VAV2: variants seen among roughly 807,000 people sequenced by gnomAD.
VAV2 encodes vav guanine nucleotide exchange factor 2, also known as guanine nucleotide exchange factor VAV2.
In VAV2, 67 loss-of-function variants were observed where a neutral mutation model predicts 132.5. The observed-to-expected ratio is 0.51, with a 90% CI of 0.42 to 0.62. VAV2 has a LOEUF of 0.62. Among genes scored for constraint, VAV2 ranks in the 20% least tolerant of loss-of-function variants. VAV2 has a pLI of 0.00. For missense variants in VAV2, 938 were observed against 1,153.6 expected (o/e 0.81, Z 2.71); for synonymous variants, 492 against 443.5 (o/e 1.11, Z -1.37).
intron 25 of VAV2, 148 bp downstream of exon 25, chr9:133,774,787 A>T (rs1426844099): frequency 4.1e-6 from 3 of 740,640 alleles, no homozygotes; most frequent in Admixed American, 2.3e-5. Flanking sequence ...ACCCCTCAGC[A>T]CCGCTTTCAT....
chr9:133,951,222 T>C (rs1280754377), intron 1 of VAV2, among the ~76,000 whole-genome samples: 1 of 152,192 alleles, frequency 6.6e-6, no homozygotes, highest in African/African-American at 2.4e-5. Context: ...CCTCTTCCCC[T>C]GCAGAAGGCC....
chr9:133,844,534 G>A (rs943235267), intron 3 of VAV2, among the ~76,000 whole-genome samples: 2 of 152,260 alleles, frequency 1.3e-5, no homozygotes, highest in African/African-American at 4.8e-5. Context: ...TGCACCCCCA[G>A]TCCCTGGCAC....
At chr9:133,874,614 C>T (rs924006626) in intron 2 of VAV2, among the ~76,000 whole-genome samples, 50 of 152,264 alleles carry the variant, frequency 3.3e-4, no homozygotes, top group African/African-American at 1.1e-3. Context: ...ATGGGAACAG[C>T]ACCTCAAGGG....
intron 2 of VAV2, among the ~76,000 whole-genome samples, chr9:133,917,928 G>A (rs116675580): frequency 0.1 from 4,166 of 40,536 alleles, 202 homozygotes; most frequent in African/African-American, 0.27. Context: ...CCACCCTCCC[G>A]GCTGAATCCC....
At chr9:133,819,436 G>A (rs528869582) in intron 4 of VAV2, among the ~76,000 whole-genome samples, 7 of 147,730 alleles carry the variant, frequency 4.7e-5, no homozygotes, top group South Asian at 2.2e-4. Flanking sequence ...GCGACAGAGC[G>A]AGGCTCCGTC....
intron 1 of VAV2, among the ~76,000 whole-genome samples, chr9:133,986,300 G>A (rs529318350): frequency 3.3e-5 from 5 of 152,284 alleles, no homozygotes; most frequent in African/African-American, 9.6e-5. Flanking sequence ...GCTGATGGGG[G>A]AGCATTCTGT....
At chr9:133,891,523 T>G (rs867842480) in intron 2 of VAV2, among the ~76,000 whole-genome samples, 6 of 4,920 alleles carry the variant, frequency 1.2e-3, no homozygotes, top group Non-Finnish European at 1.6e-3. Flanking sequence ...AGGGGAGGCA[T>G]GGAGGGGGAA....
In VAV2 at chr9:133,807,007, C is replaced by T. The variant is rs147680115; in HGVS notation, c.735+251G>A. Among the ~76,000 whole-genome samples, 653 of 152,372 alleles carry T rather than the reference C, an allele frequency of 4.3e-3. 1 individual carries two copies. Among genetic ancestry groups the T allele is most frequent in the Non-Finnish European group, 5.2e-3 (352 of 68,020 alleles). ...CTTCATTTACATTCTCAGCGTCATCCGTGCCTCCAGCCACGCACGTCAGTG... is the reference window on the plus strand; with the variant it reads ...CTTCATTTACATTCTCAGCGTCATCTGTGCCTCCAGCCACGCACGTCAGTG... On this transcript the variant is annotated intron_variant, in intron 8 of 29. Transcript: ENST00000371850.
intron 2 of VAV2, among the ~76,000 whole-genome samples, chr9:133,875,694 C>T (rs1838234733): frequency 6.6e-6 from 1 of 152,234 alleles, no homozygotes; most frequent in Non-Finnish European, 1.5e-5. Flanking sequence ...GGAACACACG[C>T]GAGGCCCCCG....
rs762885980 is a variant in VAV2 at position 133,992,307 on chromosome 9, C to A, written c.-29G>T. On this transcript the variant is annotated 5_prime_UTR_variant, in exon 1 of 30. Transcript: ENST00000371850. This position sits in a 1 kb window ranked among gnomAD's most constrained non-coding sequence, Gnocchi z 5.5. ...GCCCGCGGGCCCGACCGGCTCAGGG[C>A]AGTGCTCGAGCCAAAGTGCAGCGGC... 4 of 1,371,076 alleles carry A rather than the reference C, an allele frequency of 2.9e-6. No individual in the cohort carries two copies. The highest frequency in any genetic ancestry group is 5.1e-4 in the Middle Eastern group (2 of 3,916). 84.9% of individuals were successfully genotyped at this position (1,371,076 alleles called of 1,614,324 possible). A position where few individuals can be genotyped will look rare whatever the true frequency, so the allele number is the denominator to read the frequency against.
intron 4 of VAV2, among the ~76,000 whole-genome samples, chr9:133,825,386 G>A (rs1424963559): frequency 6.6e-6 from 1 of 152,202 alleles, no homozygotes. Flanking sequence ...TCAGACCAGG[G>A]CAGGCTTTGC....
chr9:133,975,773 G>A (rs1306926328), intron 1 of VAV2, among the ~76,000 whole-genome samples: 1 of 152,194 alleles, frequency 6.6e-6, no homozygotes, highest in Non-Finnish European at 1.5e-5. Context: ...TCTCATACCT[G>A]TATGTTCACC....
At chr9:133,899,627 C>T (rs1839359591) in intron 2 of VAV2, among the ~76,000 whole-genome samples, 1 of 150,514 alleles carries the variant, frequency 6.6e-6, no homozygotes, top group South Asian at 2.1e-4. Context: ...CTAGGCTGGT[C>T]TCGAACTCCT....
At chr9:133,812,299 G>A (rs1835389805) in intron 4 of VAV2, 83 bp from the exon 5 acceptor site, 1 of 1,396,524 alleles carries the variant, frequency 7.2e-7, no homozygotes, top group Non-Finnish European at 1.0e-6. Context: ...GGGTCCACGA[G>A]GGACGCAGGC....
intron 2 of VAV2, among the ~76,000 whole-genome samples, chr9:133,899,551 G>A (rs2132006239): frequency 6.6e-6 from 1 of 151,666 alleles, no homozygotes; most frequent in Admixed American, 6.6e-5. Flanking sequence ...AAGAAGCTGG[G>A]ATTACAGGCA....
rs566714917 is a variant in VAV2 at position 133,860,544 on chromosome 9, C to T, written c.380+830G>A. ...CTGTAGTCATACACAGCATCCCCCA[C>T]GGATCACATCAGGGTAAGGCCCCTT... On this transcript the variant is annotated intron_variant, in intron 3 of 29. Coordinates refer to ENST00000371850, the MANE Select transcript of VAV2 (RefSeq NM_001134398.2). 4.1e-4 allele frequency among the ~76,000 whole-genome samples: 62 copies of T among 152,196 alleles called. No individual in the cohort carries two copies. The South Asian group carries it at 5.0e-3, about 12-fold the overall frequency.
At chr9:133,897,049 G>A (rs1471782803) in intron 2 of VAV2, among the ~76,000 whole-genome samples, 3 of 152,118 alleles carry the variant, frequency 2.0e-5, no homozygotes, top group Admixed American at 6.5e-5. Flanking sequence ...AGCCGACATC[G>A]TGCCACTGCA....
intron 2 of VAV2, among the ~76,000 whole-genome samples, chr9:133,870,953 T>C (rs1482062528): frequency 1.1e-4 from 3 of 26,142 alleles, no homozygotes; most frequent in South Asian, 1.3e-3. Context: ...GGCAGATGGG[T>C]AGACGGGTGG....
intron 1 of VAV2, among the ~76,000 whole-genome samples, chr9:133,988,078 G>A (rs1009234435): frequency 2.0e-5 from 3 of 152,240 alleles, no homozygotes; most frequent in African/African-American, 4.8e-5. Context: ...GTCACCATGA[G>A]AAGCCAGGGG....
Sources: allele counts gnomAD v4.1 joint callset (sites outside exome capture counted in the v4.1 genomes callset), GRCh38; gene constraint gnomAD v4.1.1; non-coding constraint Gnocchi (gnomAD v3.1); transcripts MANE v1.5; gene names NCBI Gene and HGNC (gene_info 2026-07-23, HGNC 2026-07-21).